AFM: variants seen among roughly 807,000 people sequenced by gnomAD.
The protein encoded by AFM is alpha-Alb.
Under a neutral mutation model 68.7 loss-of-function variants are expected in AFM, and 82 were observed. That is an observed-to-expected ratio of 1.19 (90% CI 1.00 to 1.43). The LOEUF (loss-of-function observed/expected upper bound fraction) is 1.43, where lower values mean the gene tolerates loss of function less well. Among genes scored for constraint, AFM ranks in the 40% most tolerant of loss-of-function variants. The pLI, the probability that AFM is intolerant of heterozygous loss-of-function variation, is 0.00. For synonymous variants in AFM, 250 were observed against 234.2 expected (o/e 1.07, Z -0.61); for missense variants, 772 against 701.8 (o/e 1.10, Z -1.13).
chr4:73,500,729 G>A lies in AFM; in HGVS notation c.1646+502G>A, dbSNP rs552276217. On this transcript the variant is annotated intron_variant, in intron 12 of 14. Transcript: ENST00000226355. Reference sequence around the variant, plus strand: ...AATATGAGGAAATGGAGGTTGTTTTGGACATGAATTTTCTGGAAAGATCAG... The same window carrying A: ...AATATGAGGAAATGGAGGTTGTTTTAGACATGAATTTTCTGGAAAGATCAG... 3.9e-4 allele frequency among the ~76,000 whole-genome samples: 59 copies of A among 152,174 alleles called. 1 individual carries two copies. The South Asian group carries it at 0.01, about 26-fold the overall frequency.
chr4:73,487,119 C>T lies in AFM; in HGVS notation c.615+20C>T, dbSNP rs768404058. 2.5e-6 allele frequency: 4 copies of T among 1,612,776 alleles called. No homozygotes were observed. The highest frequency in any genetic ancestry group is 1.3e-5 in the African/African-American group (1 of 74,842). On this transcript the variant is annotated intron_variant, in intron 5 of 14. Coordinates refer to ENST00000226355, the MANE Select transcript of AFM (RefSeq NM_001133.2). ...ACAAGGGTGGGTATAGCATTTGTTCCATGAAGAGGATAAGAAATCACTCAA... is the reference window on the plus strand; with the variant it reads ...ACAAGGGTGGGTATAGCATTTGTTCTATGAAGAGGATAAGAAATCACTCAA...
At chr4:73,493,929 G>A (rs1721173256) in intron 8 of AFM, among the ~76,000 whole-genome samples, 1 of 152,208 alleles carries the variant, frequency 6.6e-6, no homozygotes, top group Admixed American at 6.5e-5. Context: ...AGCACACCAA[G>A]TCAGAGTGCT....
chr4:73,485,757 C>T, intron 3 of AFM, 105 bp from the exon 4 acceptor site: 1 of 826,366 alleles, frequency 1.2e-6, no homozygotes, highest in Non-Finnish European at 1.9e-6. Flanking sequence ...AGAGAAGGAG[C>T]TCTGTTGGTA....
intron 7 of AFM, among the ~76,000 whole-genome samples, chr4:73,491,616 T>G (rs1721072542): frequency 6.6e-6 from 1 of 152,242 alleles, no homozygotes; most frequent in South Asian, 2.1e-4. Flanking sequence ...AGACTAATGC[T>G]TAATAATGGA....
At position 73,488,621 on chromosome 4, in the gene AFM, T is replaced by G; in HGVS notation, c.714-9T>G. 1.2e-6 allele frequency: 2 copies of G among 1,600,172 alleles called. No homozygotes were observed. The stretch of plus-strand genomic sequence containing the variant: ...AATTATTTTTGTGGTTTATCAATTC[T>G]CTTTCCAGATATATTGCGATACTCA... On this transcript the variant is annotated splice_polypyrimidine_tract_variant and intron_variant, in intron 6 of 14. Coordinates refer to ENST00000226355, the MANE Select transcript of AFM (RefSeq NM_001133.2).
At position 73,500,185 on chromosome 4, in the gene AFM, T is replaced by A. The variant is rs1312223125; in HGVS notation, c.1604T>A (p.Met535Lys). 6.2e-7 allele frequency: 1 copy of A among 1,613,686 alleles called. No homozygotes were observed. Residue 535 changes from methionine (M) to lysine (K), a missense_variant, in exon 12 of 15, where the codon ATG (methionine) becomes AAG (lysine). Met to Lys is a moderately conservative substitution (Grantham distance 95). Coordinates refer to ENST00000226355, the MANE Select transcript of AFM (RefSeq NM_001133.2). The stretch of plus-strand genomic sequence containing the variant: ...GATTTATTTACCTTTCACGCAGACA[T>A]GTGTCAATCTCAGAATGAGGAGCTT... ...SQDLFTFHAD[M>K]CQSQNEELQR...
intron 12 of AFM, among the ~76,000 whole-genome samples, chr4:73,501,571 T>C (rs1721423297): frequency 6.6e-6 from 1 of 152,116 alleles, no homozygotes; most frequent in Non-Finnish European, 1.5e-5. Flanking sequence ...TGTATAATTT[T>C]GTGTGTGACA....
chr4:73,491,810 T>C, intron 7 of AFM, 62 bp from the exon 8 acceptor site: 1 of 1,396,246 alleles, frequency 7.2e-7, no homozygotes, highest in Non-Finnish European at 1.0e-6. Flanking sequence ...CATGCCATCA[T>C]TCCATAATGG....
chr4:73,500,733 A>G (rs1721403042), intron 12 of AFM, among the ~76,000 whole-genome samples: 1 of 152,212 alleles, frequency 6.6e-6, no homozygotes, highest in African/African-American at 2.4e-5. Context: ...TGTTTTGGAC[A>G]TGAATTTTCT....
At chr4:73,484,859 CA>C (rs1395249243) in intron 3 of AFM, among the ~76,000 whole-genome samples, 1 of 152,132 alleles carries the variant, frequency 6.6e-6, no homozygotes, top group Non-Finnish European at 1.5e-5. Context: ...TTCTTAAACA[CA>C]CAAGATTTTT....
At chr4:73,495,248 G>A (rs2149345647) in intron 8 of AFM, 52 bp from the exon 9 acceptor site, 2 of 1,507,190 alleles carry the variant, frequency 1.3e-6, no homozygotes, top group East Asian at 2.3e-5. Context: ...AGTGGAATTG[G>A]GTTTTTTGCT....
intron 1 of AFM, among the ~76,000 whole-genome samples, chr4:73,483,308 G>A (rs1167859295): frequency 6.6e-6 from 1 of 152,100 alleles, no homozygotes; most frequent in East Asian, 1.9e-4. Flanking sequence ...ACTTCTATTA[G>A]AGAGCAGCTT....
intron 13 of AFM, among the ~76,000 whole-genome samples, chr4:73,502,605 C>T (rs1481544876): frequency 6.6e-6 from 1 of 152,112 alleles, no homozygotes. Context: ...CTCACTGTTT[C>T]TTTTCTAGGA....
At position 73,487,784 on chromosome 4, in the gene AFM, G is replaced by A. The variant is rs1720944180; in HGVS notation, c.676G>A (p.Ala226Thr). The change falls in exon 6 of 15, where the codon GCA (alanine) becomes ACA (threonine). Residue 226 changes from alanine to threonine, a missense_variant. Physicochemically the swap from Ala to Thr is moderately conservative, Grantham distance 58. Coordinates refer to ENST00000226355, the MANE Select transcript of AFM (RefSeq NM_001133.2). ...TTCTTATCAAAAACATGTCTGTGGG[G>A]CACTTTTGAAATTTGGAACCAAAGT... is the stretch of plus-strand genomic sequence containing the variant. ...FSSYQKHVCG[A>T]LLKFGTKVVH... is the part of the protein sequence containing the mutation. The A allele has an allele frequency of 6.2e-7, 1 of 1,612,822 alleles. No homozygotes were observed. The highest frequency in any genetic ancestry group is 8.5e-7 in the Non-Finnish European group (1 of 1,179,150).
In AFM at chr4:73,499,249, G is replaced by A. The variant is rs764002189; in HGVS notation, c.1422+3G>A. ...AGTTTGCCTGTGTTGATAATTTGGT[G>A]AGCATGGCCTGTGTACCAGACTACT... On this transcript the variant is annotated splice_donor_region_variant and intron_variant, in intron 11 of 14. Coordinates refer to ENST00000226355, the MANE Select transcript of AFM (RefSeq NM_001133.2). 2 of 1,600,608 alleles carry A rather than the reference G, an allele frequency of 1.2e-6. No homozygotes were observed. The highest frequency in any genetic ancestry group is 2.3e-5 in the East Asian group (1 of 44,434).
intron 12 of AFM, among the ~76,000 whole-genome samples, chr4:73,500,723 T>G (rs1721402852): frequency 1.3e-5 from 2 of 152,188 alleles, no homozygotes; most frequent in Admixed American, 6.6e-5. Flanking sequence ...AAATGGAGGT[T>G]GTTTTGGACA....
intron 12 of AFM, 27 bp downstream of exon 12, chr4:73,500,254 T>C: frequency 6.4e-7 from 1 of 1,561,570 alleles, no homozygotes; most frequent in South Asian, 1.2e-5. Context: ...CCATTCTTCT[T>C]TTTCTTTGGT....
At chr4:73,482,957 T>C (rs1032389357) in intron 1 of AFM, among the ~76,000 whole-genome samples, 1 of 152,196 alleles carries the variant, frequency 6.6e-6, no homozygotes, top group Admixed American at 6.5e-5. Flanking sequence ...AAGCCCATAC[T>C]CCTTAGCTTT....
intron 8 of AFM, among the ~76,000 whole-genome samples, chr4:73,493,904 G>T (rs1210460665): frequency 6.6e-6 from 1 of 152,206 alleles, no homozygotes; most frequent in Non-Finnish European, 1.5e-5. Flanking sequence ...GGGGAGAAAT[G>T]ATAGAGTAAC....
Sources: allele counts gnomAD v4.1 joint callset (sites outside exome capture counted in the v4.1 genomes callset), GRCh38; gene constraint gnomAD v4.1.1; transcripts MANE v1.5; gene names NCBI Gene and HGNC (gene_info 2026-07-23, HGNC 2026-07-21).